Variants in IL1RAPL2 observed in about 807,000 individuals in gnomAD.
IL1RAPL2 encodes the protein X-linked interleukin-1 receptor accessory protein-like 2.
IL1RAPL2 carries 3 observed loss-of-function variants against 44.1 expected under a neutral mutation model. The observed-to-expected ratio is 0.07, with a 90% CI of 0.03 to 0.18. IL1RAPL2 has a LOEUF of 0.18. IL1RAPL2 is among the 10% of genes least tolerant of loss of function. The probability of loss-of-function intolerance (pLI) is 1.00; values close to 1 mark genes in which losing one functional copy is unlikely to be tolerated. For synonymous variants in IL1RAPL2, 181 were observed against 178.8 expected, an observed-to-expected ratio of 1.01 and a Z score of -0.10; for missense variants, 391 against 496.4, an observed-to-expected ratio of 0.79 and a Z score of 2.02.
intron 2 of IL1RAPL2, among the ~76,000 whole-genome samples, chrX:105,074,821 C>G (rs1040817427): frequency 3.7e-5 from 4 of 109,472 alleles, no homozygotes; most frequent in Non-Finnish European, 7.6e-5. Flanking sequence ...TGGGAGTTCA[C>G]TCATGATTTG....
chrX:104,878,927 A>T (rs1482541075), intron 2 of IL1RAPL2, among the ~76,000 whole-genome samples: 1 of 111,093 alleles, frequency 9.0e-6, no homozygotes, highest in African/African-American at 3.3e-5. Flanking sequence ...AAAATATAGT[A>T]TCAAGGGAAA....
In IL1RAPL2 at chrX:104,585,235, TATATA is replaced by T. The variant is rs1284114654; in HGVS notation, c.-20+18190_-20+18194del. ...ACACATATATGTATATATGTGTATATATATAATATATGATATATAATATATATATA... is the reference window on the plus strand; with the variant it reads ...ACACATATATGTATATATGTGTATATATATATGATATATAATATATATATA... On this transcript the variant is annotated intron_variant, in intron 1 of 10. Transcript: ENST00000372582. Among the ~76,000 whole-genome samples the T allele has an allele frequency of 1.7e-3, 90 of 54,373 alleles. 6 individuals carry two copies. The highest frequency in any genetic ancestry group is 6.6e-3 in the African/African-American group (82 of 12,519). 47.2% of individuals were successfully genotyped at this position (54,373 alleles called of 115,157 possible).
intron 2 of IL1RAPL2, among the ~76,000 whole-genome samples, chrX:104,985,313 C>T (rs1443793900): frequency 0.034 from 1 of 29 alleles, no homozygotes; most frequent in Non-Finnish European, 0.067. Flanking sequence ...GTCTCGAACT[C>T]CTGGGTCACT....
intron 2 of IL1RAPL2, among the ~76,000 whole-genome samples, chrX:105,061,020 TA>T (rs1420067575): frequency 1.8e-5 from 2 of 111,621 alleles, no homozygotes; most frequent in Non-Finnish European, 3.8e-5. Context: ...TCTTTTGTAT[TA>T]TTTTTTTATT....
chrX:105,623,115 G>A (rs2147831948), intron 6 of IL1RAPL2, among the ~76,000 whole-genome samples: 1 of 110,735 alleles, frequency 9.0e-6, no homozygotes, highest in African/African-American at 3.3e-5. Context: ...TATTCTATGT[G>A]TCTTACACAT....
chrX:104,710,575 A>G (rs1016684362), intron 2 of IL1RAPL2, among the ~76,000 whole-genome samples: 2 of 111,344 alleles, frequency 1.8e-5, no homozygotes, highest in African/African-American at 6.5e-5. Context: ...AGCCTTGTGA[A>G]CGTACTGAAT....
At chrX:105,344,608 A>G (rs776460815) in intron 5 of IL1RAPL2, among the ~76,000 whole-genome samples, 1 of 112,082 alleles carries the variant, frequency 8.9e-6, no homozygotes, top group South Asian at 3.8e-4. Context: ...AATGTTGGCA[A>G]TTCAATCCAG....
intron 2 of IL1RAPL2, among the ~76,000 whole-genome samples, chrX:105,003,068 T>C (rs1473803357): frequency 2.7e-5 from 3 of 111,085 alleles, no homozygotes; most frequent in African/African-American, 3.3e-5. Context: ...TGGAGGTATT[T>C]ATATGTAATA....
In IL1RAPL2 at chrX:105,014,838, G is replaced by A. The variant is rs191026635; in HGVS notation, c.83-180637G>A. ...ACCTTGGGCACATGCCCAGTACTGC[G>A]ATTGCTGGGTCAAATGGTATTTCTG... On this transcript the variant is annotated intron_variant, in intron 2 of 10. Coordinates refer to ENST00000372582, the MANE Select transcript of IL1RAPL2 (RefSeq NM_017416.2). Among the ~76,000 whole-genome samples, 133 of 112,014 alleles carry A rather than the reference G, an allele frequency of 1.2e-3. 1 individual carries two copies. The highest frequency in any genetic ancestry group is 1.8e-3 in the Non-Finnish European group (95 of 53,141).
chrX:104,579,991 G>A (rs1928313286), intron 1 of IL1RAPL2, among the ~76,000 whole-genome samples: 1 of 111,271 alleles, frequency 9.0e-6, no homozygotes, highest in Non-Finnish European at 1.9e-5. Context: ...TTGATGTGCA[G>A]GACTCCTAAT....
chrX:104,717,819 T>G (rs1007086074), intron 2 of IL1RAPL2, among the ~76,000 whole-genome samples: 1 of 108,326 alleles, frequency 9.2e-6, no homozygotes, highest in Non-Finnish European at 1.9e-5. Flanking sequence ...TGTGTTCTCA[T>G]TGTTCAATTC....
At chrX:105,680,514 T>C (rs1006493154) in intron 6 of IL1RAPL2, among the ~76,000 whole-genome samples, 1 of 112,140 alleles carries the variant, frequency 8.9e-6, no homozygotes, top group African/African-American at 3.2e-5. Context: ...AATTTTCACA[T>C]ATAACATCCT....
intron 5 of IL1RAPL2, among the ~76,000 whole-genome samples, chrX:105,374,135 A>G (rs1426935508): frequency 9.5e-6 from 1 of 105,242 alleles, no homozygotes; most frequent in Non-Finnish European, 1.9e-5. Context: ...AAAAAAAAAA[A>G]AGAAAGAAAG....
intron 2 of IL1RAPL2, among the ~76,000 whole-genome samples, chrX:104,700,209 A>G (rs1931252523): frequency 8.9e-6 from 1 of 112,231 alleles, no homozygotes; most frequent in Non-Finnish European, 1.9e-5. Flanking sequence ...TCAGCAGAAA[A>G]TATAATAGAG....
At chrX:105,392,640 C>T (rs999282808) in intron 5 of IL1RAPL2, among the ~76,000 whole-genome samples, 4 of 111,652 alleles carry the variant, frequency 3.6e-5, no homozygotes, top group Non-Finnish European at 7.5e-5. Context: ...AGTTATGAGC[C>T]TTATTCTCTG....
chrX:104,865,157 A>G (rs1277528127), intron 2 of IL1RAPL2, among the ~76,000 whole-genome samples: 1 of 111,755 alleles, frequency 8.9e-6, no homozygotes, highest in Non-Finnish European at 1.9e-5. Flanking sequence ...ACCTAGAAAA[A>G]TAGGAAATCA....
intron 2 of IL1RAPL2, among the ~76,000 whole-genome samples, chrX:104,726,490 A>C (rs1476141756): frequency 2.7e-5 from 3 of 111,756 alleles, no homozygotes; most frequent in African/African-American, 9.7e-5. Context: ...CATTTTCACA[A>C]TATTGATTCT....
At chrX:105,442,271 G>A (rs962241080) in intron 5 of IL1RAPL2, among the ~76,000 whole-genome samples, 1 of 109,011 alleles carries the variant, frequency 9.2e-6, no homozygotes, top group Non-Finnish European at 1.9e-5. Flanking sequence ...AGCTAGGATG[G>A]TCTTGGCTAG....
intron 8 of IL1RAPL2, among the ~76,000 whole-genome samples, chrX:105,747,569 T>TAC (rs1424551969): frequency 9.9e-6 from 1 of 101,204 alleles, no homozygotes; most frequent in Admixed American, 1.1e-4. Context: ...CACACATATA[T>TAC]ACACACATAT....
Sources: gnomAD v4.1 joint callset for allele counts (sites outside exome capture counted in the v4.1 genomes callset) on GRCh38, gnomAD v4.1.1 for gene constraint, MANE v1.5 for transcripts, NCBI Gene and HGNC (gene_info 2026-07-23, HGNC 2026-07-21) for gene names.